The following ZNG1A variants were observed in gnomAD, a reference collection of about 807,000 sequenced individuals.
ZNG1A encodes the protein Zn regulated GTPase metalloprotein activator 1A.
At chr9:139,323 A>G in the ZNG1A span, among the ~76,000 whole-genome samples, 1 of 150,426 alleles carries the variant, frequency 6.6e-6, no homozygotes, top group Non-Finnish European at 1.5e-5. Flanking sequence ...AGTCAACCCC[A>G]TAGAAAGAGT....
the ZNG1A span, chr9:145,986 T>C: frequency 5.2e-6 from 5 of 964,846 alleles, no homozygotes; most frequent in South Asian, 1.7e-5. Context: ...TGGTCTTGTA[T>C]GCCAAAGGAA....
At chr9:151,365 G>T in the ZNG1A span, 1 of 978,586 alleles carries the variant, frequency 1.0e-6, no homozygotes, top group Non-Finnish European at 1.2e-6. Flanking sequence ...AGTGGAACTA[G>T]ACTGCCAGCT....
chr9:140,676 A>G, the ZNG1A span, among the ~76,000 whole-genome samples: 2 of 150,790 alleles, frequency 1.3e-5, no homozygotes, highest in Non-Finnish European at 3.0e-5. Context: ...CAGCAACGGA[A>G]CAAAGCTGGA....
the ZNG1A span, among the ~76,000 whole-genome samples, chr9:144,953 C>T: frequency 4.0e-5 from 6 of 150,578 alleles, no homozygotes; most frequent in South Asian, 6.4e-4. Flanking sequence ...AAAATGCTCA[C>T]CATCACTGGC....
chr9:140,056 C>A, the ZNG1A span, among the ~76,000 whole-genome samples: 1 of 150,706 alleles, frequency 6.6e-6, no homozygotes, highest in Non-Finnish European at 1.5e-5. Context: ...AGTCTGAGAT[C>A]AAACTGCAAG....
chr9:157,499 C>A, the ZNG1A span, among the ~76,000 whole-genome samples: 34 of 129,006 alleles, frequency 2.6e-4, 1 homozygote, highest in Admixed American at 3.3e-4. Flanking sequence ...TGAATTAAAT[C>A]CTTGAACCTA....
At chr9:144,554 A>G in the ZNG1A span, among the ~76,000 whole-genome samples, 1 of 152,108 alleles carries the variant, frequency 6.6e-6, no homozygotes, top group Admixed American at 6.5e-5. Flanking sequence ...TTCAACATGG[A>G]TTAAAGACTT....
chr9:165,214 A>G, the ZNG1A span, among the ~76,000 whole-genome samples: 8 of 152,158 alleles, frequency 5.3e-5, no homozygotes, highest in African/African-American at 1.9e-4. Flanking sequence ...GGGAAATTAA[A>G]TCTACTGTAT....
chr9:157,797 C>T, the ZNG1A span, among the ~76,000 whole-genome samples: 106,982 of 141,800 alleles, frequency 0.75, 40,580 homozygotes, highest in South Asian at 0.81. Context: ...ACCAGTTTCA[C>T]AATTCATGGG....
chr9:145,748 AAAAT>A, the ZNG1A span, among the ~76,000 whole-genome samples: 1 of 151,844 alleles, frequency 6.6e-6, no homozygotes. Flanking sequence ...AAAAAATAAA[AAAAT>A]AAAGTGAAGA....
chr9:175,881 C>T, the ZNG1A span: 1 of 1,388,174 alleles, frequency 7.2e-7, no homozygotes, highest in Non-Finnish European at 9.6e-7. Context: ...AATTTGCGTG[C>T]TATTTTTCAT....
At chr9:141,005 GAAAC>G in the ZNG1A span, among the ~76,000 whole-genome samples, 2 of 137,178 alleles carry the variant, frequency 1.5e-5, no homozygotes, top group Non-Finnish European at 3.1e-5. Flanking sequence ...AGAATAAAAA[GAAAC>G]AAACAAAGCC....
At chr9:176,893 C>T in the ZNG1A span, among the ~76,000 whole-genome samples, 9 of 151,642 alleles carry the variant, frequency 5.9e-5, no homozygotes, top group African/African-American at 1.2e-4. Flanking sequence ...GTTTCTAATA[C>T]GTTACAAATT....
chr9:138,700 A>G, the ZNG1A span, among the ~76,000 whole-genome samples: 1 of 143,576 alleles, frequency 7.0e-6, no homozygotes, highest in Admixed American at 6.9e-5. Context: ...GGAGTTTGAG[A>G]CCAGCCTAGG....
the ZNG1A span, among the ~76,000 whole-genome samples, chr9:124,942 T>C: frequency 6.6e-6 from 1 of 152,154 alleles, no homozygotes; most frequent in Non-Finnish European, 1.5e-5. Flanking sequence ...CACAGTTACT[T>C]TATCCACGCA....
chr9:139,296 C>T, the ZNG1A span, among the ~76,000 whole-genome samples: 5 of 150,712 alleles, frequency 3.3e-5, no homozygotes, highest in East Asian at 3.9e-4. Context: ...ATTCCACTTG[C>T]GTCAGGTAAT....
chr9:140,090 G>T, the ZNG1A span, among the ~76,000 whole-genome samples: 1 of 150,830 alleles, frequency 6.6e-6, no homozygotes, highest in South Asian at 2.1e-4. Context: ...TCGGGGAGGG[G>T]CGCTGGCCAT....
the ZNG1A span, chr9:147,998 T>C: frequency 5.9e-5 from 9 of 151,286 alleles, no homozygotes; most frequent in Non-Finnish European, 8.8e-5. Context: ...GCACTCCAAC[T>C]TGGGGGACAG....
the ZNG1A span, among the ~76,000 whole-genome samples, chr9:140,255 G>A: frequency 3.3e-4 from 50 of 150,942 alleles, no homozygotes; most frequent in African/African-American, 7.3e-4. Flanking sequence ...GCAGACTTAA[G>A]TGTCCCTGTC....
Sources: gnomAD v4.1 joint callset for allele counts (sites outside exome capture counted in the v4.1 genomes callset) on GRCh38, gnomAD v4.1.1 for gene constraint, MANE v1.5 for transcripts, NCBI Gene and HGNC (gene_info 2026-07-23, HGNC 2026-07-21) for gene names.